Variants in WDPCP observed in about 807,000 individuals in gnomAD.
The protein encoded by WDPCP is WD repeat containing planar cell polarity effector.
A neutral mutation model predicts 93.1 loss-of-function variants in WDPCP; 71 were observed. That is an observed-to-expected ratio of 0.76 (90% CI 0.63 to 0.93). The LOEUF is 0.93. Ranked by LOEUF, WDPCP falls within the 40% of genes least tolerant of loss-of-function variation. The probability of loss-of-function intolerance (pLI) is 0.00; values close to 1 mark genes in which losing one functional copy is unlikely to be tolerated. For synonymous variants in WDPCP, 315 were observed against 315.0 expected, an observed-to-expected ratio of 1.00 and a Z score of 0.00; for missense variants, 844 against 887.4, an observed-to-expected ratio of 0.95 and a Z score of 0.62.
chr2:63,794,180 T>C (rs577658696), intron 2 of WDPCP, among the ~76,000 whole-genome samples: 2 of 152,336 alleles, frequency 1.3e-5, no homozygotes, highest in Non-Finnish European at 1.5e-5. Flanking sequence ...ATTTCTCCTT[T>C]ATTCCTTAAG....
intron 10 of WDPCP, among the ~76,000 whole-genome samples, chr2:63,398,816 C>G (rs1164307624): frequency 2.0e-5 from 3 of 151,554 alleles, no homozygotes; most frequent in South Asian, 4.2e-4. Context: ...ACTGCACATG[C>G]AACTACCTGT....
chr2:63,139,056 C>T (rs11890276), intron 17 of WDPCP, among the ~76,000 whole-genome samples: 68,089 of 151,978 alleles, frequency 0.45, 15,804 homozygotes, highest in East Asian at 0.69. Context: ...CTGCATAGTA[C>T]TCCACTGTGT....
intron 2 of WDPCP, among the ~76,000 whole-genome samples, chr2:63,490,144 A>AATG (rs1335605401): frequency 6.6e-6 from 1 of 151,772 alleles, no homozygotes; most frequent in Admixed American, 6.6e-5. Flanking sequence ...AATAACCCAG[A>AATG]ATGAAGGACA....
chr2:63,313,820 A>G (rs750311349), intron 12 of WDPCP, among the ~76,000 whole-genome samples: 1 of 148,502 alleles, frequency 6.7e-6, no homozygotes, highest in Non-Finnish European at 1.5e-5. Flanking sequence ...TCCCCATTCC[A>G]TTGTAACTAT....
chr2:63,762,669 T>A (rs1670074734), intron 2 of WDPCP, among the ~76,000 whole-genome samples: 1 of 152,114 alleles, frequency 6.6e-6, no homozygotes, highest in African/African-American at 2.4e-5. Context: ...GGAAGCTGAG[T>A]GTACTAACAT....
chr2:63,536,361 C>T (rs923893968), intron 1 of WDPCP, among the ~76,000 whole-genome samples: 4 of 149,808 alleles, frequency 2.7e-5, no homozygotes, highest in Admixed American at 6.7e-5. Context: ...CATTACTGGG[C>T]ATATACCCAA....
chr2:63,412,486 C>T (rs1695090325), intron 9 of WDPCP, among the ~76,000 whole-genome samples: 1 of 152,082 alleles, frequency 6.6e-6, no homozygotes, highest in African/African-American at 2.4e-5. Flanking sequence ...AGGATGCCCA[C>T]TCTCACCACT....
intron 14 of WDPCP, among the ~76,000 whole-genome samples, chr2:63,203,997 CAT>C (rs1676123728): frequency 6.6e-6 from 1 of 152,168 alleles, no homozygotes; most frequent in Admixed American, 6.6e-5. Context: ...CTGTGAACAA[CAT>C]TGCAACAAAC....
chr2:63,599,376 T>C, intron 3 of WDPCP: 1 of 1,428,880 alleles, frequency 7.0e-7, no homozygotes, highest in Non-Finnish European at 9.4e-7. Flanking sequence ...AATCTGAGTT[T>C]GTGCTTTTTT....
intron 14 of WDPCP, among the ~76,000 whole-genome samples, chr2:63,220,492 T>G (rs1374528099): frequency 6.6e-6 from 1 of 152,198 alleles, no homozygotes; most frequent in Admixed American, 6.5e-5. Flanking sequence ...GGATTATGTC[T>G]TCTGATAACT....
chr2:63,531,729 G>C (rs916220409), intron 1 of WDPCP, among the ~76,000 whole-genome samples: 1 of 152,148 alleles, frequency 6.6e-6, no homozygotes, highest in Non-Finnish European at 1.5e-5. Context: ...AAGACCAAAG[G>C]TAGATAAAAC....
At position 63,121,411 on chromosome 2, in the gene WDPCP, G is replaced by T. The variant is rs1193600260; in HGVS notation, c.*595C>A. The T allele has an allele frequency of 7.7e-6, 1 of 130,254 alleles. No homozygotes were observed. The highest frequency in any genetic ancestry group is 2.3e-4 in the South Asian group (1 of 4,306). The allele number at this position is 130,254 out of a possible 1,614,324, so 8.1% of individuals were successfully genotyped here. A position where few individuals can be genotyped will look rare whatever the true frequency, so the allele number is the denominator to read the frequency against. ...TTTTTTTTTTTTTTTTGGAGACAGGGTCACTCTCTGTTGCCCAGGTTAGAG... is the reference window on the plus strand; with the variant it reads ...TTTTTTTTTTTTTTTTGGAGACAGGTTCACTCTCTGTTGCCCAGGTTAGAG... On this transcript the variant is annotated 3_prime_UTR_variant, in exon 18 of 18. Coordinates refer to ENST00000272321, the MANE Select transcript of WDPCP (RefSeq NM_015910.7).
intron 3 of WDPCP, among the ~76,000 whole-genome samples, chr2:63,632,383 A>G (rs1045109035): frequency 4.6e-5 from 7 of 152,382 alleles, no homozygotes; most frequent in Admixed American, 1.3e-4. Flanking sequence ...AAAGAAATAA[A>G]GACCTACAAA....
At chr2:63,281,871 A>T (rs1356217746) in intron 13 of WDPCP, among the ~76,000 whole-genome samples, 2 of 152,132 alleles carry the variant, frequency 1.3e-5, no homozygotes, top group African/African-American at 4.8e-5. Context: ...AATTGGGTAT[A>T]ATGGACACTA....
chr2:63,557,017 A>C (rs1164655056), intron 1 of WDPCP, among the ~76,000 whole-genome samples: 1 of 152,240 alleles, frequency 6.6e-6, no homozygotes, highest in Non-Finnish European at 1.5e-5. Flanking sequence ...TCCTAAAGGA[A>C]GCACTAAATA....
intron 1 of WDPCP, among the ~76,000 whole-genome samples, chr2:63,543,300 C>T (rs948334999): frequency 4.6e-5 from 7 of 151,990 alleles, no homozygotes; most frequent in African/African-American, 1.4e-4. Context: ...GTTATAATAG[C>T]CTACTGAAGT....
chr2:63,820,706 A>C (rs1240183653), intron 1 of WDPCP, among the ~76,000 whole-genome samples: 1 of 152,150 alleles, frequency 6.6e-6, no homozygotes, highest in Non-Finnish European at 1.5e-5. Flanking sequence ...TGTTCTTTTT[A>C]GGAAACGGTG....
At chr2:63,785,781 C>A (rs780147707) in intron 2 of WDPCP, among the ~76,000 whole-genome samples, 5 of 152,088 alleles carry the variant, frequency 3.3e-5, no homozygotes, top group Non-Finnish European at 2.9e-5. Context: ...TCTGGAGAAA[C>A]CTGATTTAAC....
At chr2:63,273,829 A>AATG (rs1553588994) in intron 13 of WDPCP, among the ~76,000 whole-genome samples, 1 of 150,136 alleles carries the variant, frequency 6.7e-6, no homozygotes, top group Non-Finnish European at 1.5e-5. Flanking sequence ...ACACACACGC[A>AATG]CACACACACA....
Sources: allele counts gnomAD v4.1 joint callset (sites outside exome capture counted in the v4.1 genomes callset), GRCh38; gene constraint gnomAD v4.1.1; transcripts MANE v1.5; gene names NCBI Gene and HGNC (gene_info 2026-07-23, HGNC 2026-07-21).